KAZN: variants seen among roughly 807,000 people sequenced by gnomAD.
KAZN encodes the protein kazrin.
KAZN carries 40 observed loss-of-function variants against 87.4 expected under a neutral mutation model. The observed-to-expected ratio is 0.46, with a 90% CI of 0.36 to 0.60. KAZN has a LOEUF of 0.60. Ranked by LOEUF, KAZN falls within the 20% of genes least tolerant of loss-of-function variation. KAZN has a pLI of 0.00. For synonymous variants in KAZN, 466 were observed against 458.3 expected, an observed-to-expected ratio of 1.02 and a Z score of -0.22; for missense variants, 898 against 1,073.9, an observed-to-expected ratio of 0.84 and a Z score of 2.29.
rs74362484 is a variant in KAZN, at chr1:14,352,546, G to A, written c.249+171954G>A. Among the ~76,000 whole-genome samples the A allele has an allele frequency of 6.6e-3, 1,001 of 152,242 alleles. 10 individuals are homozygous for A. Among genetic ancestry groups the A allele is most frequent in the African/African-American group, 0.022 (928 of 41,538 alleles). On this transcript the variant is annotated intron_variant, in intron 2 of 16. Transcript: ENST00000636203. ...AAACCCATACTTGGGTATGCTTTAT[G>A]CTTTAATGCTTATAAGGAACTTTTC...
intron 1 of KAZN, among the ~76,000 whole-genome samples, chr1:14,939,054 C>A (rs887550233): frequency 4.0e-4 from 61 of 152,172 alleles, no homozygotes; most frequent in African/African-American, 1.5e-3. Flanking sequence ...TTCACTGCAA[C>A]CACCACCTCC....
chr1:14,600,517 G>C (rs567632998), intron 1 of KAZN, among the ~76,000 whole-genome samples: 4 of 152,160 alleles, frequency 2.6e-5, no homozygotes, highest in Admixed American at 2.0e-4. Context: ...TTAGGAATTG[G>C]GGGGAGTACT....
intron 1 of KAZN, among the ~76,000 whole-genome samples, chr1:14,902,040 C>T (rs750152069): frequency 6.6e-6 from 1 of 152,096 alleles, no homozygotes; most frequent in Non-Finnish European, 1.5e-5. Flanking sequence ...GCCAACCCAC[C>T]GGGCACGTTA....
intron 1 of KAZN, among the ~76,000 whole-genome samples, chr1:14,660,531 C>G (rs1639089910): frequency 7.9e-6 from 1 of 126,230 alleles, no homozygotes; most frequent in South Asian, 2.8e-4. Context: ...CCAAGTTTCT[C>G]TCTCTCTCTC....
intron 1 of KAZN, among the ~76,000 whole-genome samples, chr1:14,666,565 G>A (rs1266075128): frequency 2.0e-5 from 3 of 152,156 alleles, no homozygotes; most frequent in African/African-American, 7.2e-5. Flanking sequence ...AAAGCTGGAA[G>A]TACAAGATCC....
chr1:14,775,836 C>T (rs1208516444), intron 1 of KAZN, among the ~76,000 whole-genome samples: 2 of 152,152 alleles, frequency 1.3e-5, no homozygotes, highest in Admixed American at 1.3e-4. Context: ...AGCACGTCCT[C>T]CTAAAGGGAG....
At chr1:15,089,588 G>GA (rs1252621499) in intron 8 of KAZN, among the ~76,000 whole-genome samples, 1 of 152,036 alleles carries the variant, frequency 6.6e-6, no homozygotes, top group East Asian at 1.9e-4. Flanking sequence ...CTGTCAGCCT[G>GA]AAAAAACAGA....
intron 1 of KAZN, among the ~76,000 whole-genome samples, chr1:14,685,353 T>A (rs1007919378): frequency 1.3e-5 from 2 of 152,142 alleles, no homozygotes; most frequent in Admixed American, 1.3e-4. Context: ...TTCCCACAAT[T>A]CTGTGCCACT....
At chr1:14,054,432 A>G (rs1642466381) in intron 1 of KAZN, among the ~76,000 whole-genome samples, 1 of 152,226 alleles carries the variant, frequency 6.6e-6, no homozygotes, top group African/African-American at 2.4e-5. Context: ...GGTAGACTGA[A>G]TTTGAGTAAA....
At position 14,774,231 on chromosome 1, in the gene KAZN, T is replaced by C. The variant is rs1044509770; in HGVS notation, c.226+175008T>C. On this transcript the variant is annotated intron_variant, in intron 1 of 14. Transcript: ENST00000376030. ...AGAAAGTAGAACTCCAGCTCTGTGG[T>C]CCCGGATTTGTGGACTTGGCAGGGT... Among the ~76,000 whole-genome samples, 9 of 152,260 alleles carry C rather than the reference T, an allele frequency of 5.9e-5. No individual in the cohort carries two copies. The South Asian group carries it at 1.9e-3, about 32-fold the overall frequency.
intron 2 of KAZN, among the ~76,000 whole-genome samples, chr1:14,535,676 A>G (rs911287741): frequency 3.5e-5 from 5 of 141,154 alleles, no homozygotes; most frequent in Non-Finnish European, 6.3e-5. Flanking sequence ...AAAAAAAAAA[A>G]TAAAAATAAA....
At chr1:14,067,248 G>A (rs757030449) in intron 1 of KAZN, among the ~76,000 whole-genome samples, 3 of 152,098 alleles carry the variant, frequency 2.0e-5, no homozygotes, top group Admixed American at 6.6e-5. Context: ...CTGAGTCTAC[G>A]TTTGTTGAAC....
At chr1:14,117,031 C>T (rs1644638245) in intron 1 of KAZN, among the ~76,000 whole-genome samples, 2 of 152,316 alleles carry the variant, frequency 1.3e-5, no homozygotes, top group South Asian at 4.1e-4. Flanking sequence ...AAGTAACTAA[C>T]TTGCTTTTGA....
intron 2 of KAZN, among the ~76,000 whole-genome samples, chr1:15,004,785 T>C (rs1668834361): frequency 6.6e-6 from 1 of 151,914 alleles, no homozygotes; most frequent in Admixed American, 6.6e-5. Context: ...ATTGACCAGG[T>C]GAGCAAGTCA....
chr1:14,379,828 G>A (rs1338340555), intron 2 of KAZN, among the ~76,000 whole-genome samples: 2 of 152,172 alleles, frequency 1.3e-5, no homozygotes, highest in Non-Finnish European at 2.9e-5. Context: ...TGCCACCTTG[G>A]CTGGCTTCAC....
chr1:14,847,607 C>T (rs529241969), intron 1 of KAZN, among the ~76,000 whole-genome samples: 1 of 152,216 alleles, frequency 6.6e-6, no homozygotes, highest in Non-Finnish European at 1.5e-5. Context: ...CTTTACCCAT[C>T]AGCCTCCCCC....
At chr1:14,528,352 A>AG (rs1290087976) in intron 2 of KAZN, among the ~76,000 whole-genome samples, 6 of 145,900 alleles carry the variant, frequency 4.1e-5, no homozygotes, top group South Asian at 2.2e-4. Context: ...AAAAAAAAAA[A>AG]AAAAAAAAAG....
intron 1 of KAZN, among the ~76,000 whole-genome samples, chr1:14,019,001 T>G (rs894195193): frequency 7.9e-5 from 12 of 152,220 alleles, no homozygotes; most frequent in African/African-American, 2.4e-4. Context: ...TCTGTCTCTA[T>G]GTACATATCC....
At chr1:14,351,241 C>T (rs956318015) in intron 2 of KAZN, among the ~76,000 whole-genome samples, 4 of 152,176 alleles carry the variant, frequency 2.6e-5, no homozygotes, top group African/African-American at 9.6e-5. Flanking sequence ...CTGCTTTTCT[C>T]GCTTCAGAAA....
Sources: gnomAD v4.1 joint callset for allele counts (sites outside exome capture counted in the v4.1 genomes callset) on GRCh38, gnomAD v4.1.1 for gene constraint, MANE v1.5 for transcripts, NCBI Gene and HGNC (gene_info 2026-07-23, HGNC 2026-07-21) for gene names.